Variants in SHROOM3 observed in about 807,000 individuals in gnomAD.
The protein encoded by SHROOM3 is protein Shroom3.
Under a neutral mutation model 138.6 loss-of-function variants are expected in SHROOM3, and 47 were observed. The ratio of observed to expected loss-of-function variants is 0.34; its 90% CI spans 0.27 to 0.43. SHROOM3 has a LOEUF of 0.43. Ranked by LOEUF, SHROOM3 falls within the 20% of genes least tolerant of loss-of-function variation. The probability of loss-of-function intolerance (pLI) is 1.00; values close to 1 mark genes in which losing one functional copy is unlikely to be tolerated. For missense variants in SHROOM3, 2,491 were observed against 2,596.5 expected (o/e 0.96, Z 0.88); for synonymous variants, 1,062 against 1,063.3 (o/e 1.00, Z 0.02).
intron 2 of SHROOM3, among the ~76,000 whole-genome samples, chr4:76,585,908 A>G (rs1243979818): frequency 6.6e-6 from 1 of 152,222 alleles, no homozygotes; most frequent in Non-Finnish European, 1.5e-5. Context: ...GCTGGGAGGA[A>G]GGGCAGATAA....
At chr4:76,659,443 T>C (rs1298266250) in intron 2 of SHROOM3, among the ~76,000 whole-genome samples, 1 of 152,204 alleles carries the variant, frequency 6.6e-6, no homozygotes, top group East Asian at 1.9e-4. Flanking sequence ...TATTGGTCAT[T>C]TGGGTTTAGA....
At chr4:76,465,497 A>G (rs1169420116) in intron 1 of SHROOM3, among the ~76,000 whole-genome samples, 4 of 152,202 alleles carry the variant, frequency 2.6e-5, no homozygotes, top group Non-Finnish European at 4.4e-5. Context: ...AGCCTGGCCA[A>G]GACTTTCTCA....
At chr4:76,633,899 G>A (rs543102327) in intron 2 of SHROOM3, among the ~76,000 whole-genome samples, 1 of 152,244 alleles carries the variant, frequency 6.6e-6, no homozygotes, top group East Asian at 1.9e-4. Context: ...ACTCCGGAAA[G>A]GAAAAGCAGA....
At position 76,502,416 on chromosome 4, in the gene SHROOM3, T is replaced by C. The variant is rs546376586; in HGVS notation, c.169-53193T>C. On this transcript the variant is annotated intron_variant, in intron 1 of 10. Transcript: ENST00000296043. The stretch of plus-strand genomic sequence containing the variant: ...CAGAAGCAGAGGCCACATTCTGTGC[T>C]TGTGACTGGCATCTGAAGGGGGGTG... Among the ~76,000 whole-genome samples, 8 of 152,288 alleles carry C rather than the reference T, an allele frequency of 5.3e-5. No individual in the cohort carries two copies. The East Asian group carries it at 5.8e-4, about 11-fold the overall frequency.
At chr4:76,614,116 C>T (rs536490012) in intron 2 of SHROOM3, among the ~76,000 whole-genome samples, 1 of 152,020 alleles carries the variant, frequency 6.6e-6, no homozygotes, top group Non-Finnish European at 1.5e-5. Flanking sequence ...AGTGCAGTGG[C>T]GAGATCTCGG....
At position 76,741,934 on chromosome 4, in the gene SHROOM3, C is replaced by T; in HGVS notation, c.3753+8C>T. ...ACCGCAGACAAGCGCCAGGTACGTG[C>T]AACCAGCAAGTCCTGGCCTCGAACT... On this transcript the variant is annotated splice_region_variant and intron_variant, in intron 5 of 10. Transcript: ENST00000296043. This position sits in a 1 kb window ranked among gnomAD's most constrained non-coding sequence, Gnocchi z 6.2. 1 of 1,611,752 alleles carries T rather than the reference C, an allele frequency of 6.2e-7. No homozygotes were observed. The highest frequency in any genetic ancestry group is 8.5e-7 in the Non-Finnish European group (1 of 1,179,722).
chr4:76,523,446 A>G (rs925846680), intron 1 of SHROOM3, among the ~76,000 whole-genome samples: 5 of 152,156 alleles, frequency 3.3e-5, no homozygotes, highest in African/African-American at 9.7e-5. Flanking sequence ...GGTGTATAGG[A>G]TGGGAGCATG....
At chr4:76,490,111 C>T (rs1463939140) in intron 1 of SHROOM3, among the ~76,000 whole-genome samples, 1 of 152,116 alleles carries the variant, frequency 6.6e-6, no homozygotes, top group Admixed American at 6.5e-5. Context: ...AGAAAGCCAA[C>T]CAGAGGCTGA....
At chr4:76,508,440 T>C (rs955948833) in intron 1 of SHROOM3, among the ~76,000 whole-genome samples, 3 of 152,266 alleles carry the variant, frequency 2.0e-5, no homozygotes, top group Non-Finnish European at 4.4e-5. Flanking sequence ...AGTACCATGC[T>C]GTCTTGATTA....
At chr4:76,686,070 C>T (rs535613480) in intron 2 of SHROOM3, among the ~76,000 whole-genome samples, 1 of 152,208 alleles carries the variant, frequency 6.6e-6, no homozygotes, top group Non-Finnish European at 1.5e-5. Context: ...TGCAGTGACA[C>T]AACCCTAGCT....
chr4:76,768,646 G>A (rs1450848198), intron 9 of SHROOM3, among the ~76,000 whole-genome samples: 2 of 152,064 alleles, frequency 1.3e-5, no homozygotes, highest in Non-Finnish European at 2.9e-5. Context: ...AGTAGCTGGG[G>A]ATTACAGACG....
intron 1 of SHROOM3, among the ~76,000 whole-genome samples, chr4:76,439,723 A>G (rs970659995): frequency 9.9e-5 from 15 of 152,252 alleles, no homozygotes; most frequent in Non-Finnish European, 1.3e-4. Flanking sequence ...CACATTATAC[A>G]AGGCAGCTAT....
At chr4:76,695,566 T>C (rs1374954802) in intron 2 of SHROOM3, among the ~76,000 whole-genome samples, 1 of 152,198 alleles carries the variant, frequency 6.6e-6, no homozygotes, top group Non-Finnish European at 1.5e-5. Flanking sequence ...TAAATAAAAA[T>C]AAGTTCCAAA....
intron 2 of SHROOM3, among the ~76,000 whole-genome samples, chr4:76,626,401 G>A (rs1735145271): frequency 6.6e-6 from 1 of 152,122 alleles, no homozygotes; most frequent in Admixed American, 6.5e-5. Context: ...CACCAAAAAG[G>A]CAGCTTAAAA....
chr4:76,503,378 G>A (rs1271511891), intron 1 of SHROOM3, among the ~76,000 whole-genome samples: 4 of 151,974 alleles, frequency 2.6e-5, no homozygotes, highest in Non-Finnish European at 5.9e-5. Flanking sequence ...TGTTCGATTT[G>A]CTATAGTAAA....
intron 2 of SHROOM3, among the ~76,000 whole-genome samples, chr4:76,691,495 C>A (rs1215802626): frequency 6.6e-6 from 1 of 152,162 alleles, no homozygotes; most frequent in East Asian, 1.9e-4. Flanking sequence ...CAAAGTTCTT[C>A]TTTTGGTAAC....
chr4:76,511,767 C>T (rs1560529415), intron 1 of SHROOM3, among the ~76,000 whole-genome samples: 2 of 152,096 alleles, frequency 1.3e-5, no homozygotes, highest in Admixed American at 1.3e-4. Flanking sequence ...TAGGAAATCT[C>T]GATGATCTGT....
chr4:76,493,666 C>T (rs1344393786), intron 1 of SHROOM3, among the ~76,000 whole-genome samples: 1 of 152,176 alleles, frequency 6.6e-6, no homozygotes, highest in Non-Finnish European at 1.5e-5. Flanking sequence ...CTTTTATAAA[C>T]CTTAATTAGC....
chr4:76,759,801 C>T (rs1578026446), intron 9 of SHROOM3, 106 bp downstream of exon 9: 38 of 1,311,044 alleles, frequency 2.9e-5, no homozygotes, highest in Non-Finnish European at 4.0e-5. Context: ...GGGGAAAGGA[C>T]CTGTCACATC....
Sources: allele counts gnomAD v4.1 joint callset (sites outside exome capture counted in the v4.1 genomes callset), GRCh38; gene constraint gnomAD v4.1.1; non-coding constraint Gnocchi (gnomAD v3.1); transcripts MANE v1.5; gene names NCBI Gene and HGNC (gene_info 2026-07-23, HGNC 2026-07-21).